Variants in UST observed in about 807,000 individuals in gnomAD.
UST encodes the protein chondroitin sulfate 2-O-sulfotransferase.
UST carries 21 observed loss-of-function variants against 45.6 expected under a neutral mutation model. That is an observed-to-expected ratio of 0.46 (90% CI 0.33 to 0.66). UST has a LOEUF of 0.66. Ranked by LOEUF, UST falls within the 30% of genes least tolerant of loss-of-function variation. The pLI, the probability that UST is intolerant of heterozygous loss-of-function variation, is 0.02. For missense variants in UST, 463 were observed against 512.4 expected, an observed-to-expected ratio of 0.90 and a Z score of 0.93; for synonymous variants, 215 against 200.6, an observed-to-expected ratio of 1.07 and a Z score of -0.61.
At chr6:148,896,304 A>G (rs1184801774) in intron 2 of UST, among the ~76,000 whole-genome samples, 1 of 152,256 alleles carries the variant, frequency 6.6e-6, no homozygotes, top group Non-Finnish European at 1.5e-5. Context: ...GGATATAGAC[A>G]TGCCCATCCA....
chr6:148,971,893 A>G (rs941548437), intron 5 of UST, among the ~76,000 whole-genome samples: 2 of 152,240 alleles, frequency 1.3e-5, no homozygotes, highest in Admixed American at 6.5e-5. Flanking sequence ...AAGGGCTTCA[A>G]GTCGATGTGG....
At chr6:149,006,767 G>C (rs1775705761) in intron 5 of UST, among the ~76,000 whole-genome samples, 1 of 152,144 alleles carries the variant, frequency 6.6e-6, no homozygotes, top group South Asian at 2.1e-4. Flanking sequence ...GTTGTTTCTT[G>C]ACTTTTTAAT....
intron 1 of UST, among the ~76,000 whole-genome samples, chr6:148,867,293 C>CAT (rs1196998439): frequency 3.5e-5 from 4 of 115,066 alleles, no homozygotes; most frequent in Admixed American, 3.4e-4. Flanking sequence ...AATACACACA[C>CAT]ACACACACAC....
At chr6:148,833,866 C>T (rs1464269979) in intron 1 of UST, among the ~76,000 whole-genome samples, 1 of 152,206 alleles carries the variant, frequency 6.6e-6, no homozygotes, top group Non-Finnish European at 1.5e-5. Flanking sequence ...TTCTCAAGAT[C>T]TAAGCACAGT....
chr6:148,915,361 C>T (rs1268002915), intron 2 of UST, among the ~76,000 whole-genome samples: 2 of 152,166 alleles, frequency 1.3e-5, no homozygotes, highest in African/African-American at 4.8e-5. Context: ...TTAAGATTGC[C>T]TCATGTTCCA....
Position 149,074,056 on chromosome 6 carries a change from G to C in UST, c.1161G>C (p.Glu387Asp), listed in dbSNP as rs1447002627. The C allele has an allele frequency of 6.2e-7, 1 of 1,614,240 alleles. No individual in the cohort carries two copies. Among genetic ancestry groups the C allele is most frequent in the South Asian group, 1.1e-5 (1 of 91,090 alleles). The change falls in exon 8 of 8, where the codon GAG becomes GAC. Residue 387 changes from glutamate (E) to aspartate (D), a missense_variant. Around this residue, in one of 2 missense-constraint regions of UST, gnomAD observed 287 missense variants for 374.2 expected, o/e 0.77. Coordinates refer to ENST00000367463, the MANE Select transcript of UST (RefSeq NM_005715.3). ...TCCCAACTCCACTGGAAACCGAGGA[G>C]CCAATCGACGATGAAGAACAGGATG... is the stretch of plus-strand genomic sequence containing the variant. ...FFIPTPLETE[E>D]PIDDEEQDDE...
intron 1 of UST, among the ~76,000 whole-genome samples, chr6:148,822,597 A>G (rs1777488484): frequency 6.6e-6 from 1 of 152,218 alleles, no homozygotes; most frequent in African/African-American, 2.4e-5. Context: ...CATTGTCTCA[A>G]GGCAGGTTTT....
chr6:148,793,141 G>C (rs1040258378), intron 1 of UST, among the ~76,000 whole-genome samples: 1 of 152,102 alleles, frequency 6.6e-6, no homozygotes, highest in Non-Finnish European at 1.5e-5. Context: ...TATAGTGATG[G>C]GGAATGATCC....
At chr6:149,063,966 AAC>A (rs1173240508) in intron 7 of UST, among the ~76,000 whole-genome samples, 2 of 152,202 alleles carry the variant, frequency 1.3e-5, no homozygotes, top group African/African-American at 4.8e-5. Context: ...TCTTGATTGA[AAC>A]ACACACAGAA....
At chr6:148,758,614 C>G (rs1776142062) in intron 1 of UST, among the ~76,000 whole-genome samples, 1 of 152,198 alleles carries the variant, frequency 6.6e-6, no homozygotes, top group Admixed American at 6.5e-5. Context: ...ACTTTCTTTT[C>G]TCAGTTCCCA....
intron 2 of UST, among the ~76,000 whole-genome samples, chr6:148,941,062 A>G (rs1165907363): frequency 6.6e-6 from 1 of 152,224 alleles, no homozygotes; most frequent in African/African-American, 2.4e-5. Flanking sequence ...ATCAGTGCAG[A>G]GAGTTAAGAA....
In UST at chr6:148,964,530, C is replaced by T. The variant is rs754328741; in HGVS notation, c.648C>T (p.Arg216=). 6.2e-7 allele frequency: 1 copy of T among 1,614,074 alleles called. No homozygotes were observed. ...GAGGGGAACAAAATCACATGATCCG[C>T]ACCCCCAGCATGAGGCAGGAGGAGC... ...DWRGEQNHMI[R]TPSMRQEERY... The change falls in exon 5 of 8, where the codon CGC becomes CGT. Residue 216 remains arginine (R), a synonymous_variant. Coordinates refer to ENST00000367463, the MANE Select transcript of UST (RefSeq NM_005715.3).
chr6:148,934,677 C>T lies in UST; in HGVS notation c.292-6602C>T, dbSNP rs1227891143. On this transcript the variant is annotated intron_variant, in intron 2 of 7. Coordinates refer to ENST00000367463, the MANE Select transcript of UST (RefSeq NM_005715.3). The surrounding 1 kb of genome is among the most constrained non-coding windows in gnomAD (Gnocchi z 4.1). ...TTAATCCCTCAGAAGGCTTCAAGGA[C>T]CCACTCAGCCACTTAATACAGAAAG... Among the ~76,000 whole-genome samples the T allele has an allele frequency of 6.6e-6, 1 of 152,132 alleles. No individual in the cohort carries two copies. The highest frequency in any genetic ancestry group is 1.5e-5 in the Non-Finnish European group (1 of 68,034).
chr6:148,986,201 A>G (rs1321046783), intron 5 of UST, among the ~76,000 whole-genome samples: 2 of 152,214 alleles, frequency 1.3e-5, no homozygotes, highest in Admixed American at 6.5e-5. Context: ...ATAAAATCGA[A>G]CAAAGCAGCT....
intron 4 of UST, among the ~76,000 whole-genome samples, chr6:148,954,463 T>C (rs1176362707): frequency 6.6e-6 from 1 of 152,246 alleles, no homozygotes; most frequent in Non-Finnish European, 1.5e-5. Context: ...AAGATTATAA[T>C]ATGGTATTTT....
intron 1 of UST, among the ~76,000 whole-genome samples, chr6:148,865,248 G>A (rs995413950): frequency 6.6e-6 from 1 of 152,198 alleles, no homozygotes; most frequent in Non-Finnish European, 1.5e-5. Flanking sequence ...TCATTTTTGT[G>A]ACATTAGTGG....
intron 2 of UST, among the ~76,000 whole-genome samples, chr6:148,922,492 CTTT>C (rs10634690): frequency 2.1e-5 from 3 of 140,740 alleles, no homozygotes; most frequent in Admixed American, 7.1e-5. Context: ...CTTTCTTTTT[CTTT>C]TTTTTTTTTT....
chr6:148,801,464 T>C (rs1056581924), intron 1 of UST, among the ~76,000 whole-genome samples: 15 of 152,208 alleles, frequency 9.9e-5, no homozygotes, highest in Non-Finnish European at 1.6e-4. Context: ...CTTCCAATTA[T>C]GAATTTTCTG....
intron 7 of UST, among the ~76,000 whole-genome samples, chr6:149,072,490 C>T (rs1017670659): frequency 7.9e-5 from 12 of 151,864 alleles, no homozygotes; most frequent in Non-Finnish European, 1.3e-4. Flanking sequence ...CCCATCTCTA[C>T]TAAAAATACA....
Sources: gnomAD v4.1 joint callset for allele counts (sites outside exome capture counted in the v4.1 genomes callset) on GRCh38, gnomAD v4.1.1 for gene constraint, gnomAD v4.1.1 regional missense constraint, Gnocchi (gnomAD v3.1) non-coding constraint, MANE v1.5 for transcripts, NCBI Gene and HGNC (gene_info 2026-07-23, HGNC 2026-07-21) for gene names.